The following CNTN6 variants were observed in gnomAD, a reference collection of about 807,000 sequenced individuals.
CNTN6 encodes contactin 6.
Under a neutral mutation model 122.8 loss-of-function variants are expected in CNTN6, and 137 were observed. The observed-to-expected ratio is 1.12, with a 90% CI of 0.97 to 1.29. The LOEUF is 1.29. Ranked by LOEUF, CNTN6 falls within the 50% of genes most tolerant of loss-of-function variation. The probability of loss-of-function intolerance (pLI) is 0.00; values close to 1 mark genes in which losing one functional copy is unlikely to be tolerated. For missense variants in CNTN6, 1,634 were observed against 1,223.4 expected (o/e 1.34, Z -5.01); for synonymous variants, 570 against 426.0 (o/e 1.34, Z -4.16).
At chr3:1,133,931 C>T in intron 1 of CNTN6, among the ~76,000 whole-genome samples, 1 of 152,162 alleles carries the variant, frequency 6.6e-6, no homozygotes, top group East Asian at 1.9e-4. Context: ...CACTACAGCC[C>T]TTCCCTTCCT....
intron 4 of CNTN6, among the ~76,000 whole-genome samples, chr3:1,234,675 T>C (rs1171858289): frequency 6.6e-6 from 1 of 151,652 alleles, no homozygotes; most frequent in African/African-American, 2.4e-5. Flanking sequence ...GCTAAATGGC[T>C]TTTAACCTTT....
intron 2 of CNTN6, among the ~76,000 whole-genome samples, chr3:1,178,539 G>A (rs1377539818): frequency 6.6e-6 from 1 of 152,136 alleles, no homozygotes; most frequent in Non-Finnish European, 1.5e-5. Flanking sequence ...CTATGTGATA[G>A]TTCCAATACC....
In CNTN6 at chr3:1,295,747, A is replaced by G. The variant is rs1696116597; in HGVS notation, c.601A>G (p.Lys201Glu). ...VGNYTCFITNKEAQRSVQGPP... is the reference protein window; with the variant it reads ...VGNYTCFITNEEAQRSVQGPP... Reference sequence around the variant, plus strand: ...CAACTACACTTGCTTTATAACTAACAAAGAGGCCCAGAGAAGTGTTCAAGG... The same window carrying G: ...CAACTACACTTGCTTTATAACTAACGAAGAGGCCCAGAGAAGTGTTCAAGG... The change falls in exon 6 of 23, where the codon AAA becomes GAA. Residue 201 changes from lysine (K) to glutamate (E), a missense_variant. Transcript: ENST00000446702. 6 of 1,614,058 alleles carry G rather than the reference A, an allele frequency of 3.7e-6. No homozygotes were observed. Among genetic ancestry groups the G allele is most frequent in the Non-Finnish European group, 5.1e-6 (6 of 1,179,926 alleles).
intron 4 of CNTN6, among the ~76,000 whole-genome samples, chr3:1,258,476 G>T (rs9846465): frequency 0.094 from 14,341 of 152,114 alleles, 700 homozygotes; most frequent in Middle Eastern, 0.14. Context: ...GTAATGCAGG[G>T]AAATCTTGCT....
chr3:1,104,252 G>A (rs1181232393), intron 1 of CNTN6, among the ~76,000 whole-genome samples: 1 of 152,062 alleles, frequency 6.6e-6, no homozygotes, highest in African/African-American at 2.4e-5. Flanking sequence ...ATTCCAAGAT[G>A]ATTATTTTAG....
At chr3:1,269,062 G>C (rs1484194229) in intron 4 of CNTN6, among the ~76,000 whole-genome samples, 1 of 152,112 alleles carries the variant, frequency 6.6e-6, no homozygotes, top group Non-Finnish European at 1.5e-5. Context: ...CATCAGTAAT[G>C]TGATTAAAGT....
At chr3:1,387,893 C>CG (rs1560004754) in intron 20 of CNTN6, among the ~76,000 whole-genome samples, 4 of 152,192 alleles carry the variant, frequency 2.6e-5, no homozygotes, top group Non-Finnish European at 4.4e-5. Context: ...ATATCCTGCA[C>CG]CCGGCTCGGA....
chr3:1,173,324 T>C (rs1220694477), intron 2 of CNTN6: 3 of 456,438 alleles, frequency 6.6e-6, no homozygotes, highest in Non-Finnish European at 1.3e-5. Context: ...AAGAGGTGAG[T>C]GTGAATGCTC....
Position 1,227,974 on chromosome 3 carries a change from G to A in CNTN6, c.339G>A (p.Lys113=), listed in dbSNP as rs141581143. 4.8e-3 allele frequency: 7,766 copies of A among 1,613,192 alleles called. 29 individuals carry two copies. The highest frequency in any genetic ancestry group is 6.7e-3 in the African/African-American group (506 of 74,980). The change falls in exon 4 of 23, where the codon AAG becomes AAA. Residue 113 remains lysine (K), a synonymous_variant. Transcript: ENST00000446702. ...TTCTGGGGACAATTCTGAGTCGGAA[G>A]GCAAAGCTCCAATTTGCATGTGAGT... The part of the protein sequence containing the change: ...TNLLGTILSR[K]AKLQFAYIED...
chr3:1,146,641 CA>C (rs1395330979), intron 1 of CNTN6, among the ~76,000 whole-genome samples: 4 of 151,862 alleles, frequency 2.6e-5, no homozygotes, highest in African/African-American at 9.7e-5. Context: ...TTAAATGTCT[CA>C]CAAGAGAACA....
chr3:1,123,797 T>C (rs896763066), intron 1 of CNTN6, among the ~76,000 whole-genome samples: 1 of 152,020 alleles, frequency 6.6e-6, no homozygotes, highest in Non-Finnish European at 1.5e-5. Flanking sequence ...TCTTTTACCA[T>C]TGAGTATGAT....
chr3:1,311,685 C>T (rs150847678), intron 7 of CNTN6, among the ~76,000 whole-genome samples: 4,102 of 151,312 alleles, frequency 0.027, 66 homozygotes, highest in Middle Eastern at 0.048. Context: ...TACTTAATTT[C>T]TCCCCCAAAG....
chr3:1,352,786 A>G (rs1399091463), intron 12 of CNTN6, among the ~76,000 whole-genome samples: 1 of 151,808 alleles, frequency 6.6e-6, no homozygotes, highest in Non-Finnish European at 1.5e-5. Flanking sequence ...TTTTGGTCAA[A>G]TATCTTTCAG....
At chr3:1,297,635 T>C (rs1418325873) in intron 6 of CNTN6, among the ~76,000 whole-genome samples, 1 of 131,058 alleles carries the variant, frequency 7.6e-6, no homozygotes, top group East Asian at 2.0e-4. Flanking sequence ...TTGTTGTTTT[T>C]TTCTTTTTTT....
At chr3:1,282,343 A>G (rs931325133) in intron 5 of CNTN6, among the ~76,000 whole-genome samples, 3 of 152,232 alleles carry the variant, frequency 2.0e-5, no homozygotes, top group African/African-American at 7.2e-5. Flanking sequence ...AGGTTATTCT[A>G]GCAGAGAAGG....
chr3:1,241,381 A>G (rs2094481514), intron 4 of CNTN6, among the ~76,000 whole-genome samples: 2 of 151,954 alleles, frequency 1.3e-5, no homozygotes, highest in Admixed American at 1.3e-4. Flanking sequence ...GCAGTGTGGG[A>G]ACCTAGAGTG....
intron 3 of CNTN6, among the ~76,000 whole-genome samples, chr3:1,223,798 T>C (rs1160936723): frequency 1.3e-5 from 2 of 152,216 alleles, no homozygotes; most frequent in East Asian, 3.8e-4. Flanking sequence ...GAACACAACC[T>C]TAAGTCTAGA....
At chr3:1,128,653 A>G (rs1050421334) in intron 1 of CNTN6, among the ~76,000 whole-genome samples, 7 of 151,986 alleles carry the variant, frequency 4.6e-5, no homozygotes, top group Admixed American at 6.6e-5. Context: ...GGTTTTAGAG[A>G]AATAAAGTCA....
At chr3:1,301,719 TGCTCGGTCAAAGC>T (rs1393553262) in intron 7 of CNTN6, among the ~76,000 whole-genome samples, 1 of 139,774 alleles carries the variant, frequency 7.2e-6, no homozygotes, top group African/African-American at 3.4e-5. Context: ...CTGAAGCATC[TGCTCGGTCAAAGC>T]GGTAGCGTTA....
Sources: allele counts gnomAD v4.1 joint callset (sites outside exome capture counted in the v4.1 genomes callset), GRCh38; gene constraint gnomAD v4.1.1; transcripts MANE v1.5; gene names NCBI Gene and HGNC (gene_info 2026-07-23, HGNC 2026-07-21).